Variants in MACROD2 observed in about 807,000 individuals in gnomAD.
MACROD2 encodes the protein ADP-ribose glycohydrolase MACROD2.
In MACROD2, 36 loss-of-function variants were observed where a neutral mutation model predicts 70.4. The ratio of observed to expected loss-of-function variants is 0.51; its 90% CI spans 0.39 to 0.68. MACROD2 has a LOEUF of 0.68. MACROD2 is among the 30% of genes least tolerant of loss of function. MACROD2 has a pLI of 0.00. For synonymous variants in MACROD2, 172 were observed against 178.8 expected, an observed-to-expected ratio of 0.96 and a Z score of 0.30; for missense variants, 496 against 538.4, an observed-to-expected ratio of 0.92 and a Z score of 0.78.
chr20:14,760,467 A>G (rs1048494091), intron 5 of MACROD2, among the ~76,000 whole-genome samples: 5 of 152,088 alleles, frequency 3.3e-5, no homozygotes, highest in African/African-American at 1.2e-4. Flanking sequence ...GGCATTTAAT[A>G]CAATTGTCAG....
At chr20:14,201,316 TTTCTC>T (rs2081477731) in intron 3 of MACROD2, among the ~76,000 whole-genome samples, 1 of 152,246 alleles carries the variant, frequency 6.6e-6, no homozygotes, top group African/African-American at 2.4e-5. Flanking sequence ...TAAATATTCT[TTTCTC>T]TTTGAAAGGC....
chr20:15,308,886 G>C (rs1003168856), intron 6 of MACROD2, among the ~76,000 whole-genome samples: 1 of 152,156 alleles, frequency 6.6e-6, no homozygotes, highest in Non-Finnish European at 1.5e-5. Context: ...AGACTGGCTT[G>C]ACTGGGCCTC....
At chr20:14,087,905 G>C (rs918303879) in intron 3 of MACROD2, among the ~76,000 whole-genome samples, 1 of 151,674 alleles carries the variant, frequency 6.6e-6, no homozygotes, top group South Asian at 2.1e-4. Context: ...ATATACATAA[G>C]AGAGATATAT....
intron 2 of MACROD2, among the ~76,000 whole-genome samples, chr20:14,051,493 A>G (rs971122176): frequency 2.0e-5 from 3 of 152,090 alleles, no homozygotes; most frequent in Non-Finnish European, 2.9e-5. Flanking sequence ...CTTTTACCCA[A>G]AGTATGGTGG....
chr20:14,515,143 AAAAG>A (rs1317379267), intron 4 of MACROD2, among the ~76,000 whole-genome samples: 1 of 152,146 alleles, frequency 6.6e-6, no homozygotes, highest in Non-Finnish European at 1.5e-5. Context: ...GATGAGCTGA[AAAAG>A]AAAGTCACTG....
chr20:14,593,111 G>T (rs530352587), intron 4 of MACROD2, among the ~76,000 whole-genome samples: 1 of 152,230 alleles, frequency 6.6e-6, no homozygotes, highest in South Asian at 2.1e-4. Context: ...TTCTACCATA[G>T]CAGTTACTAA....
intron 8 of MACROD2, among the ~76,000 whole-genome samples, chr20:15,513,085 A>T (rs950945802): frequency 2.6e-5 from 4 of 152,222 alleles, no homozygotes; most frequent in African/African-American, 9.6e-5. Context: ...AATAGGATCC[A>T]TATGTCCCTG....
intron 8 of MACROD2, among the ~76,000 whole-genome samples, chr20:15,708,973 C>A (rs1198260994): frequency 6.6e-6 from 1 of 152,126 alleles, no homozygotes; most frequent in East Asian, 1.9e-4. Flanking sequence ...CTGCAGTGAG[C>A]TATGACTGCA....
At chr20:14,386,156 A>G (rs2083466132) in intron 3 of MACROD2, among the ~76,000 whole-genome samples, 1 of 152,220 alleles carries the variant, frequency 6.6e-6, no homozygotes, top group Non-Finnish European at 1.5e-5. Context: ...GAGGACATGA[A>G]GACAATAAAG....
intron 3 of MACROD2, among the ~76,000 whole-genome samples, chr20:14,231,291 C>A (rs2081809998): frequency 6.6e-6 from 1 of 151,994 alleles, no homozygotes; most frequent in Non-Finnish European, 1.5e-5. Context: ...CTCCCCACTG[C>A]CCCCACCCCA....
At chr20:14,547,434 A>C (rs2085504035) in intron 4 of MACROD2, 1 of 216,142 alleles carries the variant, frequency 4.6e-6, no homozygotes, top group South Asian at 9.3e-5. Flanking sequence ...TATAAGGCTT[A>C]TTCTTTGAGC....
chr20:15,634,092 A>G (rs2049330790), intron 8 of MACROD2, among the ~76,000 whole-genome samples: 1 of 152,182 alleles, frequency 6.6e-6, no homozygotes, highest in Admixed American at 6.5e-5. Context: ...TTTTCATGCT[A>G]ATCAAAGAGC....
chr20:15,690,572 A>G (rs1302290773), intron 8 of MACROD2, among the ~76,000 whole-genome samples: 1 of 152,204 alleles, frequency 6.6e-6, no homozygotes, highest in Non-Finnish European at 1.5e-5. Flanking sequence ...AGGCACATGG[A>G]TGATATTTAA....
chr20:14,753,502 A>G (rs888361953), intron 5 of MACROD2, among the ~76,000 whole-genome samples: 10 of 152,130 alleles, frequency 6.6e-5, no homozygotes, highest in African/African-American at 2.4e-4. Flanking sequence ...ATAGATTACT[A>G]TCAATATCTA....
chr20:15,117,797 A>G (rs2076001819), intron 5 of MACROD2, among the ~76,000 whole-genome samples: 1 of 152,188 alleles, frequency 6.6e-6, no homozygotes, highest in Admixed American at 6.5e-5. Context: ...CATTGGCTCC[A>G]TAGACTTAAT....
At chr20:15,861,790 G>A (rs182913867) in intron 8 of MACROD2, among the ~76,000 whole-genome samples, 83 of 152,294 alleles carry the variant, frequency 5.4e-4, no homozygotes, top group African/African-American at 1.9e-3. Flanking sequence ...GGTTAGGTGG[G>A]TGACTTCCAT....
chr20:15,639,185 G>C (rs2049416018), intron 8 of MACROD2, among the ~76,000 whole-genome samples: 1 of 152,148 alleles, frequency 6.6e-6, no homozygotes, highest in African/African-American at 2.4e-5. Context: ...AGCTGATGCA[G>C]AGCTGAATAA....
intron 6 of MACROD2, among the ~76,000 whole-genome samples, chr20:15,245,847 T>C (rs575254571): frequency 6.6e-6 from 1 of 152,346 alleles, no homozygotes; most frequent in South Asian, 2.1e-4. Flanking sequence ...TATCGGGATG[T>C]AGTTTTATCA....
chr20:14,441,260 T>C (rs1206386376), intron 3 of MACROD2, among the ~76,000 whole-genome samples: 1 of 152,146 alleles, frequency 6.6e-6, no homozygotes, highest in Non-Finnish European at 1.5e-5. Context: ...TCCAGCCTCC[T>C]GGAGGATGAG....
Sources: allele counts gnomAD v4.1 joint callset (sites outside exome capture counted in the v4.1 genomes callset), GRCh38; gene constraint gnomAD v4.1.1; transcripts MANE v1.5; gene names NCBI Gene and HGNC (gene_info 2026-07-23, HGNC 2026-07-21).